Variants in ANXA8 observed in about 807,000 individuals in gnomAD.
ANXA8 encodes the protein annexin A8.
ANXA8 carries 9 observed loss-of-function variants against 26.8 expected under a neutral mutation model. The ratio of observed to expected loss-of-function variants is 0.34; its 90% CI spans 0.20 to 0.59. ANXA8 has a LOEUF of 0.59. Among genes scored for constraint, ANXA8 ranks in the 20% least tolerant of loss-of-function variants. The pLI is 0.84. For missense variants in ANXA8, 83 were observed against 238.5 expected (o/e 0.35, Z 4.29); for synonymous variants, 39 against 94.8 (o/e 0.41, Z 3.42).
chr10:47,667,426 C>T, the ANXA8 span, among the ~76,000 whole-genome samples: 1 of 151,942 alleles, frequency 6.6e-6, no homozygotes, highest in Non-Finnish European at 1.5e-5. Context: ...TGTTCTGAAA[C>T]TTGTAAATGA....
upstream of ANXA8, chr10:47,487,091 T>A (rs1840062365): frequency 1.2e-6 from 1 of 867,216 alleles, no homozygotes; most frequent in African/African-American, 1.7e-5. Flanking sequence ...ACACCCTGAT[T>A]GATCACTATT....
the ANXA8 span, among the ~76,000 whole-genome samples, chr10:47,555,066 TG>T: frequency 6.6e-6 from 1 of 150,892 alleles, no homozygotes; most frequent in African/African-American, 2.4e-5. Context: ...TCTAGAGCAA[TG>T]GAGAGACTTT....
the ANXA8 span, among the ~76,000 whole-genome samples, chr10:47,708,580 G>T: frequency 6.8e-6 from 1 of 147,406 alleles, no homozygotes; most frequent in African/African-American, 2.4e-5. Context: ...TGGGTGACAG[G>T]ATCACTTGTA....
the ANXA8 span, among the ~76,000 whole-genome samples, chr10:47,667,105 G>C: frequency 6.6e-6 from 1 of 151,978 alleles, no homozygotes; most frequent in Non-Finnish European, 1.5e-5. Context: ...TTTTCTCATA[G>C]TGCCCAGCAA....
At chr10:47,738,463 G>A in the ANXA8 span, among the ~76,000 whole-genome samples, 1 of 146,750 alleles carries the variant, frequency 6.8e-6, no homozygotes, top group Non-Finnish European at 1.5e-5. Flanking sequence ...TGTTTTCAGT[G>A]GTTAAGGCTT....
At chr10:47,949,475 CTT>C in the ANXA8 span, among the ~76,000 whole-genome samples, 2 of 143,600 alleles carry the variant, frequency 1.4e-5, no homozygotes, top group African/African-American at 5.8e-5. Context: ...ATGAAAAACA[CTT>C]AATGGTAAGT....
chr10:47,743,303 T>TATATAC, the ANXA8 span, among the ~76,000 whole-genome samples: 2,012 of 53,326 alleles, frequency 0.038, 237 homozygotes, highest in Middle Eastern at 0.048. Context: ...TACACATATA[T>TATATAC]ATATATATAC....
chr10:47,685,928 T>C, the ANXA8 span, among the ~76,000 whole-genome samples: 2 of 148,946 alleles, frequency 1.3e-5, no homozygotes, highest in Non-Finnish European at 3.0e-5. Context: ...GTAAATGTCG[T>C]ATATGCCTTT....
chr10:47,952,128 C>A, the ANXA8 span, among the ~76,000 whole-genome samples: 46 of 150,606 alleles, frequency 3.1e-4, 1 homozygote, highest in Admixed American at 5.3e-4. Context: ...ATTCATCAAC[C>A]TGAAAAAATG....
At chr10:47,644,989 A>C in the ANXA8 span, among the ~76,000 whole-genome samples, 4 of 152,032 alleles carry the variant, frequency 2.6e-5, no homozygotes, top group Non-Finnish European at 5.9e-5. Context: ...GGTACATGTC[A>C]AATACATACC....
chr10:47,650,006 G>A, the ANXA8 span, among the ~76,000 whole-genome samples: 20 of 150,202 alleles, frequency 1.3e-4, no homozygotes, highest in African/African-American at 4.7e-4. Context: ...TCAGGAGTTC[G>A]AGACCAGTCT....
chr10:47,705,909 C>T, the ANXA8 span, among the ~76,000 whole-genome samples: 1 of 149,632 alleles, frequency 6.7e-6, no homozygotes, highest in Non-Finnish European at 1.5e-5. Context: ...AACGTCGCCC[C>T]GACGCACCCC....
the ANXA8 span, among the ~76,000 whole-genome samples, chr10:47,668,896 T>G: frequency 6.6e-6 from 1 of 151,536 alleles, no homozygotes; most frequent in Non-Finnish European, 1.5e-5. Flanking sequence ...GCACCCTTCA[T>G]GTCAGCTTCT....
chr10:47,559,677 G>A, the ANXA8 span, among the ~76,000 whole-genome samples: 1 of 150,454 alleles, frequency 6.6e-6, no homozygotes, highest in South Asian at 2.1e-4. Flanking sequence ...CCAGTACTCG[G>A]TATTTGCCAA....
the ANXA8 span, chr10:47,567,959 C>T: frequency 1.0e-5 from 7 of 685,218 alleles, no homozygotes; most frequent in Admixed American, 2.1e-5. Flanking sequence ...TCAGATGTGC[C>T]GTTTGGGGGT....
At chr10:47,673,943 G>A in the ANXA8 span, among the ~76,000 whole-genome samples, 5 of 149,794 alleles carry the variant, frequency 3.3e-5, no homozygotes, top group Admixed American at 6.6e-5. Flanking sequence ...GTCTCCTTAG[G>A]GTCCTCTTGG....
chr10:47,683,292 A>G, the ANXA8 span, among the ~76,000 whole-genome samples: 2 of 140,324 alleles, frequency 1.4e-5, no homozygotes, highest in South Asian at 2.2e-4. Context: ...GCAGTGGCGC[A>G]ATCTTGGCTC....
the ANXA8 span, among the ~76,000 whole-genome samples, chr10:47,631,620 G>A: frequency 6.7e-6 from 1 of 150,170 alleles, no homozygotes; most frequent in Non-Finnish European, 1.5e-5. Flanking sequence ...GAATAACCAG[G>A]GTTGAGAACC....
At chr10:47,665,829 T>G in the ANXA8 span, among the ~76,000 whole-genome samples, 1 of 151,834 alleles carries the variant, frequency 6.6e-6, no homozygotes, top group Non-Finnish European at 1.5e-5. Flanking sequence ...TTTATTTCTT[T>G]GAGGAAACGT....
Sources: allele counts gnomAD v4.1 joint callset (sites outside exome capture counted in the v4.1 genomes callset), GRCh38; gene constraint gnomAD v4.1.1; transcripts MANE v1.5; gene names NCBI Gene and HGNC (gene_info 2026-07-23, HGNC 2026-07-21).